The following TRRAP variants were observed in gnomAD, a reference collection of about 807,000 sequenced individuals.
TRRAP encodes transformation/transcription domain-associated protein.
In TRRAP, 41 loss-of-function variants were observed where a neutral mutation model predicts 438.8. That is an observed-to-expected ratio of 0.09 (90% CI 0.07 to 0.12). TRRAP has a LOEUF of 0.12. Ranked by LOEUF, TRRAP falls within the 10% of genes least tolerant of loss-of-function variation. The probability of loss-of-function intolerance (pLI) is 1.00; values close to 1 mark genes in which losing one functional copy is unlikely to be tolerated. For synonymous variants in TRRAP, 1,994 were observed against 1,962.9 expected, an observed-to-expected ratio of 1.02 and a Z score of -0.42; for missense variants, 3,122 against 5,055.1, an observed-to-expected ratio of 0.62 and a Z score of 11.60.
intron 7 of TRRAP, 149 bp downstream of exon 7, chr7:98,895,969 G>A: frequency 3.9e-6 from 2 of 515,204 alleles, no homozygotes; most frequent in Non-Finnish European, 6.3e-6. Flanking sequence ...TAAAAACTGG[G>A]TTGATAAGTC....
In TRRAP at chr7:99,005,970, G is replaced by A. The variant is rs561859871; in HGVS notation, c.10753+622G>A. ...GCAGCATGCATCAGGTTTCCAGCGC[G>A]CCTCTAGCTGCTTCACACGCTGCAC... On this transcript the variant is annotated intron_variant, in intron 69 of 72. Transcript: ENST00000456197. The surrounding 1 kb of genome is among the most constrained non-coding windows in gnomAD (Gnocchi z 5.1). 4.6e-5 allele frequency among the ~76,000 whole-genome samples: 7 copies of A among 152,152 alleles called. No individual in the cohort carries two copies. The highest frequency in any genetic ancestry group is 3.9e-4 in the Admixed American group (6 of 15,280).
intron 17 of TRRAP, 62 bp downstream of exon 17, chr7:98,911,333 C>T: frequency 7.0e-7 from 1 of 1,424,574 alleles, no homozygotes; most frequent in Non-Finnish European, 9.4e-7. Flanking sequence ...GTCTTAAATA[C>T]TTTTTCATTT....
intron 12 of TRRAP, among the ~76,000 whole-genome samples, chr7:98,904,636 C>T (rs986429752): frequency 2.0e-5 from 3 of 152,180 alleles, no homozygotes; most frequent in African/African-American, 4.8e-5. Flanking sequence ...TCCCAAGCTG[C>T]TGCCCTGCAG....
chr7:98,922,064 A>C (rs1483098096), intron 21 of TRRAP, 111 bp downstream of exon 21: 6 of 1,429,492 alleles, frequency 4.2e-6, no homozygotes, highest in Non-Finnish European at 5.7e-6. Flanking sequence ...GAGTAGAACC[A>C]GTTGTATCAG....
chr7:98,983,507 G>A lies in TRRAP; in HGVS notation c.9022+48G>A, dbSNP rs543061275. On this transcript the variant is annotated intron_variant, in intron 60 of 72. Coordinates refer to ENST00000456197, the MANE Select transcript of TRRAP (RefSeq NM_001375524.1). ...GCATTCATCATGTAATTTTCCAGAC[G>A]CCCCACGGTTCTGGTTTCGTCTCTG... 3.6e-5 allele frequency: 57 copies of A among 1,602,410 alleles called. 3 individuals are homozygous for A. In the South Asian group the frequency reaches 5.2e-4, roughly 15 times the overall value.
At chr7:98,959,884 T>A (rs1042722206) in intron 45 of TRRAP, among the ~76,000 whole-genome samples, 4 of 149,254 alleles carry the variant, frequency 2.7e-5, no homozygotes, top group East Asian at 2.0e-4. Context: ...GAGCTATGAT[T>A]GGTGCCACTG....
At chr7:98,939,087 G>T (rs915658070) in intron 30 of TRRAP, among the ~76,000 whole-genome samples, 47 of 152,158 alleles carry the variant, frequency 3.1e-4, no homozygotes, top group Admixed American at 2.6e-4. Flanking sequence ...TTTGCTTCTG[G>T]TAAATGGATT....
At chr7:99,002,364 A>G (rs1793969220) in intron 67 of TRRAP, among the ~76,000 whole-genome samples, 2 of 152,250 alleles carry the variant, frequency 1.3e-5, no homozygotes, top group Middle Eastern at 3.2e-3. Context: ...TGGTGTTGGC[A>G]TCGCACTGGG....
intron 67 of TRRAP, chr7:98,998,853 G>A (rs1400752231): frequency 3.2e-6 from 1 of 316,264 alleles, no homozygotes; most frequent in African/African-American, 2.2e-5. Context: ...CTGCTTGCAG[G>A]TATTCGTTTT....
intron 53 of TRRAP, among the ~76,000 whole-genome samples, chr7:98,972,412 G>A (rs1423057218): frequency 6.6e-6 from 1 of 152,180 alleles, no homozygotes; most frequent in African/African-American, 2.4e-5. Flanking sequence ...GAAAGAAACG[G>A]TAAAACCGTG....
At chr7:98,924,427 G>C (rs1238300257) in intron 21 of TRRAP, among the ~76,000 whole-genome samples, 1 of 152,120 alleles carries the variant, frequency 6.6e-6, no homozygotes, top group Non-Finnish European at 1.5e-5. Flanking sequence ...TGGTGCCGTG[G>C]CTTAGTTGGT....
At chr7:98,941,757 C>T (rs1790806586) in intron 30 of TRRAP, among the ~76,000 whole-genome samples, 1 of 152,076 alleles carries the variant, frequency 6.6e-6, no homozygotes, top group African/African-American at 2.4e-5. Flanking sequence ...TTCTCAATGC[C>T]AGTGTTCCCT....
At position 98,909,974 on chromosome 7, in the gene TRRAP, T is replaced by TA; in HGVS notation, c.1351-81dup. On this transcript the variant is annotated intron_variant, in intron 14 of 72. Transcript: ENST00000456197. ...TGAGCAGCTGGTGTCAGTCCCATCTTATTTTACTGTGATCTGAGCAGTATT... is the reference window on the plus strand; with the variant it reads ...TGAGCAGCTGGTGTCAGTCCCATCTTAATTTTACTGTGATCTGAGCAGTATT... 3 of 1,475,696 alleles carry TA rather than the reference T, an allele frequency of 2.0e-6. No homozygotes were observed. The East Asian group carries it at 7.1e-5, about 35-fold the overall frequency. The allele number at this position is 1,475,696 out of a possible 1,614,324, so 91.4% of individuals were successfully genotyped here. A position where few individuals can be genotyped will look rare whatever the true frequency, so the allele number is the denominator to read the frequency against.
chr7:98,928,056 T>C (rs1790135105), intron 23 of TRRAP, among the ~76,000 whole-genome samples: 1 of 152,092 alleles, frequency 6.6e-6, no homozygotes, highest in Admixed American at 6.5e-5. Flanking sequence ...CTGACCAACA[T>C]GGAGAAATCC....
At chr7:99,001,060 TA>T (rs1300905748) in intron 67 of TRRAP, among the ~76,000 whole-genome samples, 1 of 152,274 alleles carries the variant, frequency 6.6e-6, no homozygotes, top group Non-Finnish European at 1.5e-5. Flanking sequence ...ATGACACAGT[TA>T]ATATTAAGTC....
At position 98,908,711 on chromosome 7, in the gene TRRAP, G is replaced by A. The variant is rs1796907558; in HGVS notation, c.1116-17G>A. 3.2e-6 allele frequency: 5 copies of A among 1,542,446 alleles called. No homozygotes were observed. The highest frequency in any genetic ancestry group is 1.2e-5 in the South Asian group (1 of 84,030). On this transcript the variant is annotated splice_polypyrimidine_tract_variant and intron_variant, in intron 13 of 72. Transcript: ENST00000456197. This position sits in a 1 kb window ranked among gnomAD's most constrained non-coding sequence, Gnocchi z 4.1. ...GGCCACGTGGGAATGAGCACTAGTC[G>A]AGGTCTCTGCCCGCAGGCCCCTCGC...
chr7:98,906,402 T>TTTTA (rs3066870), intron 13 of TRRAP, 147 bp downstream of exon 13: 13,139 of 194,386 alleles, frequency 0.068, 564 homozygotes, highest in East Asian at 0.12. Flanking sequence ...TTTGTTTTTG[T>TTTTA]TTTATTTATT....
chr7:98,888,964 G>T (rs1795842830), intron 3 of TRRAP, among the ~76,000 whole-genome samples: 1 of 151,044 alleles, frequency 6.6e-6, no homozygotes, highest in South Asian at 2.1e-4. Flanking sequence ...AATATTTGTT[G>T]AATGAATAAG....
chr7:98,888,086 C>T (rs868925351), intron 3 of TRRAP, among the ~76,000 whole-genome samples: 34 of 152,198 alleles, frequency 2.2e-4, no homozygotes, highest in African/African-American at 7.9e-4. Flanking sequence ...AAAAATTAGC[C>T]GGGCCTGGTG....
Sources: allele counts gnomAD v4.1 joint callset (sites outside exome capture counted in the v4.1 genomes callset), GRCh38; gene constraint gnomAD v4.1.1; non-coding constraint Gnocchi (gnomAD v3.1); transcripts MANE v1.5; gene names NCBI Gene and HGNC (gene_info 2026-07-23, HGNC 2026-07-21).